The following ST18 variants were observed in gnomAD, a reference collection of about 807,000 sequenced individuals.
The protein encoded by ST18 is suppression of tumorigenicity 18 protein.
Under a neutral mutation model 110.0 loss-of-function variants are expected in ST18, and 50 were observed. The ratio of observed to expected loss-of-function variants is 0.45; its 90% CI spans 0.36 to 0.58. ST18 has a LOEUF of 0.58. Ranked by LOEUF, ST18 falls within the 20% of genes least tolerant of loss-of-function variation. ST18 has a pLI of 0.00. For synonymous variants in ST18, 461 were observed against 452.4 expected (o/e 1.02, Z -0.24); for missense variants, 1,306 against 1,280.1 (o/e 1.02, Z -0.31).
intron 2 of ST18, among the ~76,000 whole-genome samples, chr8:52,288,635 A>T (rs1395799173): frequency 6.6e-6 from 1 of 151,476 alleles, no homozygotes; most frequent in African/African-American, 2.4e-5. Flanking sequence ...CGGAGGTTGC[A>T]GTGAGCCGAG....
At chr8:52,308,453 G>C (rs904160906) in intron 2 of ST18, among the ~76,000 whole-genome samples, 3 of 152,126 alleles carry the variant, frequency 2.0e-5, no homozygotes, top group Non-Finnish European at 4.4e-5. Flanking sequence ...AATCTTTCTT[G>C]AGACTCCTAC....
intron 22 of ST18, among the ~76,000 whole-genome samples, chr8:52,129,597 T>C (rs750285450): frequency 8.6e-5 from 13 of 151,968 alleles, no homozygotes; most frequent in Non-Finnish European, 1.5e-4. Context: ...ATTCTACACA[T>C]AGAAAAGAAA....
rs193269500 is a variant in ST18 at position 52,390,121 on chromosome 8, C to T, written c.-465+19207G>A. Reference sequence around the variant, plus strand: ...CTCTAAGACAGGGCCGTTTCCCATGCGAGCATGCTGCTTTGCAGAGAAGCA... The same window carrying T: ...CTCTAAGACAGGGCCGTTTCCCATGTGAGCATGCTGCTTTGCAGAGAAGCA... On this transcript the variant is annotated intron_variant, in intron 2 of 25. Transcript: ENST00000689386. Among the ~76,000 whole-genome samples the T allele has an allele frequency of 1.3e-4, 20 of 152,158 alleles. No individual in the cohort carries two copies. The East Asian group carries it at 2.7e-3, about 21-fold the overall frequency.
chr8:52,326,388 A>T (rs1438684728), intron 2 of ST18, among the ~76,000 whole-genome samples: 1 of 152,120 alleles, frequency 6.6e-6, no homozygotes, highest in African/African-American at 2.4e-5. Flanking sequence ...CCATGTAGGA[A>T]ATGTTTATTG....
intron 8 of ST18, among the ~76,000 whole-genome samples, chr8:52,203,624 A>G (rs1414693117): frequency 1.3e-5 from 2 of 152,180 alleles, no homozygotes; most frequent in African/African-American, 4.8e-5. Flanking sequence ...TTAAAATGAG[A>G]CCTCAAATAG....
At chr8:52,249,567 A>G (rs1240928484) in intron 2 of ST18, among the ~76,000 whole-genome samples, 1 of 152,104 alleles carries the variant, frequency 6.6e-6, no homozygotes, top group African/African-American at 2.4e-5. Flanking sequence ...GCCAGGGTAC[A>G]ATGGGCTGAT....
intron 2 of ST18, among the ~76,000 whole-genome samples, chr8:52,288,700 TA>T (rs548531236): frequency 0.015 from 1,642 of 106,892 alleles, 21 homozygotes; most frequent in African/African-American, 0.049. Flanking sequence ...TCTCAAAAAA[TA>T]AAAAAAAAAA....
At chr8:52,345,920 A>G (rs902635093) in intron 2 of ST18, among the ~76,000 whole-genome samples, 1 of 152,194 alleles carries the variant, frequency 6.6e-6, no homozygotes, top group African/African-American at 2.4e-5. Context: ...TTAAATATAT[A>G]AAAACAAAGA....
chr8:52,389,299 G>A (rs1838373053), intron 2 of ST18, among the ~76,000 whole-genome samples: 1 of 152,194 alleles, frequency 6.6e-6, no homozygotes, highest in African/African-American at 2.4e-5. Flanking sequence ...CAGGGAGCCC[G>A]GTGAGGAGGC....
chr8:52,211,934 G>T, intron 8 of ST18, 145 bp downstream of exon 8: 2 of 750,170 alleles, frequency 2.7e-6, no homozygotes, highest in Non-Finnish European at 2.3e-6. Context: ...CCGCCTTCTT[G>T]GTGCATACAC....
intron 2 of ST18, among the ~76,000 whole-genome samples, chr8:52,389,084 G>A (rs1403664056): frequency 6.6e-6 from 1 of 151,462 alleles, no homozygotes; most frequent in Non-Finnish European, 1.5e-5. Context: ...AGCCCCGAGA[G>A]CCACACAGCC....
At chr8:52,358,491 T>TA (rs1235007641) in intron 2 of ST18, among the ~76,000 whole-genome samples, 1 of 151,962 alleles carries the variant, frequency 6.6e-6, no homozygotes, top group African/African-American at 2.4e-5. Context: ...CTCAAATTAC[T>TA]AAAACCACAA....
chr8:52,389,228 A>G (rs532290639), intron 2 of ST18, among the ~76,000 whole-genome samples: 2 of 152,276 alleles, frequency 1.3e-5, no homozygotes, highest in African/African-American at 4.8e-5. Flanking sequence ...GAGCAGCACC[A>G]TCAGACTCCC....
At chr8:52,343,252 C>T (rs1167203403) in intron 2 of ST18, among the ~76,000 whole-genome samples, 3 of 152,118 alleles carry the variant, frequency 2.0e-5, no homozygotes, top group Non-Finnish European at 4.4e-5. Context: ...TACTAACCCG[C>T]CAGACAATAA....
At chr8:52,275,984 T>C (rs1310096861) in intron 2 of ST18, among the ~76,000 whole-genome samples, 1 of 74,972 alleles carries the variant, frequency 1.3e-5, no homozygotes, top group African/African-American at 4.8e-5. Flanking sequence ...TACCACATCC[T>C]ACACATCATA....
chr8:52,341,334 G>A (rs80274052), intron 2 of ST18, among the ~76,000 whole-genome samples: 1,753 of 152,226 alleles, frequency 0.012, 98 homozygotes, highest in South Asian at 0.088. Context: ...TGCAAATTAG[G>A]TTCAACTTCT....
intron 9 of ST18, 75 bp downstream of exon 9, chr8:52,180,045 CCA>C: frequency 2.8e-6 from 4 of 1,435,190 alleles, no homozygotes; most frequent in Non-Finnish European, 3.8e-6. Flanking sequence ...ACCATACAAA[CCA>C]CACACTCTAC....
intron 23 of ST18, among the ~76,000 whole-genome samples, chr8:52,119,785 G>T (rs763396239): frequency 6.6e-6 from 1 of 152,168 alleles, no homozygotes. Flanking sequence ...CATACAGCAT[G>T]ATAAAACAGA....
chr8:52,161,691 A>G (rs1162905538), intron 13 of ST18, 123 bp from the exon 14 acceptor site: 9 of 1,126,116 alleles, frequency 8.0e-6, no homozygotes, highest in Non-Finnish European at 1.1e-5. Context: ...ACACTGAACA[A>G]TAAGAGAGAC....
Sources: gnomAD v4.1 joint callset for allele counts (sites outside exome capture counted in the v4.1 genomes callset) on GRCh38, gnomAD v4.1.1 for gene constraint, MANE v1.5 for transcripts, NCBI Gene and HGNC (gene_info 2026-07-23, HGNC 2026-07-21) for gene names.